Variants in DNAAF9 observed in about 807,000 individuals in gnomAD.
The protein encoded by DNAAF9 is shulin.
A neutral mutation model predicts 167.0 loss-of-function variants in DNAAF9; 90 were observed. That is an observed-to-expected ratio of 0.54 (90% CI 0.45 to 0.64). The LOEUF (loss-of-function observed/expected upper bound fraction) is 0.64, where lower values mean the gene tolerates loss of function less well. DNAAF9 is among the 30% of genes least tolerant of loss of function. The pLI is 0.00. For missense variants in DNAAF9, 1,315 were observed against 1,442.2 expected (o/e 0.91, Z 1.43); for synonymous variants, 491 against 508.8 (o/e 0.96, Z 0.47).
intron 20 of DNAAF9, among the ~76,000 whole-genome samples, chr20:3,305,834 G>A (rs1652764359): frequency 6.6e-6 from 1 of 152,162 alleles, no homozygotes; most frequent in Non-Finnish European, 1.5e-5. Context: ...GGCAGCCACA[G>A]CCAGCGACTA....
At chr20:3,285,699 C>A (rs2068840264) in intron 27 of DNAAF9, among the ~76,000 whole-genome samples, 1 of 133,694 alleles carries the variant, frequency 7.5e-6, no homozygotes, top group African/African-American at 2.9e-5. Context: ...AAAAAAAGGG[C>A]CAGGAGCGGT....
chr20:3,262,423 G>GT (rs1286960102), intron 31 of DNAAF9, among the ~76,000 whole-genome samples: 4 of 151,896 alleles, frequency 2.6e-5, no homozygotes, highest in Non-Finnish European at 5.9e-5. Flanking sequence ...GCTAACTTTT[G>GT]TATTTTTAAT....
rs371884533 is a variant in DNAAF9, at chr20:3,389,992, C to T, written c.84-7486G>A. Among the ~76,000 whole-genome samples the T allele has an allele frequency of 6.0e-5, 9 of 150,440 alleles. No individual in the cohort carries two copies. In the South Asian group the frequency reaches 8.4e-4, roughly 14 times the overall value. On this transcript the variant is annotated intron_variant, in intron 1 of 36. Coordinates refer to ENST00000252032, the MANE Select transcript of DNAAF9 (RefSeq NM_001009984.3). ...CAGAGGCTGCAGTGAGCCAAGATCA[C>T]GCCACTGTACTCCAGCCTGGGCAAC...
intron 1 of DNAAF9, among the ~76,000 whole-genome samples, chr20:3,394,289 G>A (rs2083868692): frequency 6.7e-6 from 1 of 148,750 alleles, no homozygotes; most frequent in Non-Finnish European, 1.5e-5. Context: ...GGTGAGCTGA[G>A]ATCATGCCAT....
chr20:3,333,686 G>T (rs1419625651), intron 10 of DNAAF9, among the ~76,000 whole-genome samples: 1 of 150,148 alleles, frequency 6.7e-6, no homozygotes, highest in African/African-American at 2.5e-5. Flanking sequence ...CTTATTAAAG[G>T]TTTTTTTTTT....
chr20:3,324,979 A>G lies in DNAAF9; in HGVS notation c.1189-11T>C, dbSNP rs754498321. Reference sequence around the variant, plus strand: ...TGCTACCTCCTTGGCCTGTAAAATAATAAGACAGCGACAATTAGCTTTCAC... The same window carrying G: ...TGCTACCTCCTTGGCCTGTAAAATAGTAAGACAGCGACAATTAGCTTTCAC... On this transcript the variant is annotated splice_polypyrimidine_tract_variant and intron_variant, in intron 13 of 36. Transcript: ENST00000252032. 23 of 1,521,188 alleles carry G rather than the reference A, an allele frequency of 1.5e-5. No individual in the cohort carries two copies. The highest frequency in any genetic ancestry group is 2.0e-5 in the Non-Finnish European group (22 of 1,095,158). 94.2% of individuals were successfully genotyped at this position (1,521,188 alleles called of 1,614,324 possible).
At chr20:3,295,708 C>G in intron 23 of DNAAF9, 1 of 591,828 alleles carries the variant, frequency 1.7e-6, no homozygotes. Context: ...GCAACCGTCC[C>G]CTTTTATTAT....
rs1445800727 is a variant in DNAAF9 at position 3,315,251 on chromosome 20, A to T, written c.1591-131T>A. 1.5e-6 allele frequency: 1 copy of T among 652,794 alleles called. No individual in the cohort carries two copies. The highest frequency in any genetic ancestry group is 2.6e-5 in the East Asian group (1 of 38,488). The allele number at this position is 652,794 out of a possible 1,614,324, so 40.4% of individuals were successfully genotyped here. A position where few individuals can be genotyped will look rare whatever the true frequency, so the allele number is the denominator to read the frequency against. ...GCTGAGTCAGGCTCAGATATGCCCA[A>T]TGTATTCCATGGCCTTTGGCATTGT... On this transcript the variant is annotated intron_variant, in intron 19 of 36. Transcript: ENST00000252032. This position sits in a 1 kb window ranked among gnomAD's most constrained non-coding sequence, Gnocchi z 4.1.
intron 25 of DNAAF9, among the ~76,000 whole-genome samples, chr20:3,292,568 A>G (rs1239795569): frequency 6.6e-6 from 1 of 151,240 alleles, no homozygotes; most frequent in Non-Finnish European, 1.5e-5. Context: ...GGAGATCAAG[A>G]CCAGCCTGGC....
intron 21 of DNAAF9, among the ~76,000 whole-genome samples, chr20:3,299,473 A>T (rs2069144560): frequency 6.6e-6 from 1 of 151,090 alleles, no homozygotes; most frequent in African/African-American, 2.4e-5. Context: ...CACCACACCC[A>T]GCTAATTTTT....
At chr20:3,330,791 C>CTTT (rs34084211) in intron 11 of DNAAF9, 109 bp from the exon 12 acceptor site, 12,074 of 410,380 alleles carry the variant, frequency 0.029, 68 homozygotes, top group African/African-American at 0.054. Flanking sequence ...AAGAACTACA[C>CTTT]TTTTTTTTTT....
intron 1 of DNAAF9, among the ~76,000 whole-genome samples, chr20:3,403,439 T>C (rs2084015771): frequency 6.6e-6 from 1 of 151,268 alleles, no homozygotes; most frequent in East Asian, 1.9e-4. Context: ...TTCCACTTTC[T>C]CCCACCAACA....
chr20:3,331,574 T>C (rs2069830549), intron 11 of DNAAF9, among the ~76,000 whole-genome samples: 1 of 152,172 alleles, frequency 6.6e-6, no homozygotes, highest in African/African-American at 2.4e-5. Context: ...TGCTCCTAAG[T>C]ACCCTTTTAT....
At chr20:3,355,649 AT>A (rs2083275089) in intron 7 of DNAAF9, among the ~76,000 whole-genome samples, 1 of 152,132 alleles carries the variant, frequency 6.6e-6, no homozygotes. Flanking sequence ...CTATAGAGTC[AT>A]TACAAAAGCC....
intron 23 of DNAAF9, chr20:3,296,383 C>T (rs1409740384): frequency 2.6e-5 from 8 of 309,060 alleles, no homozygotes; most frequent in African/African-American, 4.7e-5. Flanking sequence ...GGACATTTTT[C>T]GTTTTTTTTT....
At chr20:3,319,280 A>AG (rs2069571593) in intron 16 of DNAAF9, among the ~76,000 whole-genome samples, 2 of 149,246 alleles carry the variant, frequency 1.3e-5, no homozygotes, top group African/African-American at 4.9e-5. Context: ...AAAAAAAAAA[A>AG]AAAAAAAAAG....
intron 7 of DNAAF9, among the ~76,000 whole-genome samples, chr20:3,354,462 C>T (rs1026371014): frequency 6.6e-6 from 1 of 152,254 alleles, no homozygotes; most frequent in Non-Finnish European, 1.5e-5. Context: ...TGGCATCCAG[C>T]AGAGGCAGCT....
At chr20:3,327,409 G>A (rs1291393680) in intron 12 of DNAAF9, among the ~76,000 whole-genome samples, 1 of 152,038 alleles carries the variant, frequency 6.6e-6, no homozygotes, top group Non-Finnish European at 1.5e-5. Context: ...ATTGCCCTTG[G>A]TTGAGAACCA....
chr20:3,385,697 G>A (rs2083724706), intron 1 of DNAAF9, among the ~76,000 whole-genome samples: 1 of 152,180 alleles, frequency 6.6e-6, no homozygotes, highest in African/African-American at 2.4e-5. Flanking sequence ...CTTCCAAAGT[G>A]ATGGGACAAT....
Sources: allele counts gnomAD v4.1 joint callset (sites outside exome capture counted in the v4.1 genomes callset), GRCh38; gene constraint gnomAD v4.1.1; non-coding constraint Gnocchi (gnomAD v3.1); transcripts MANE v1.5; gene names NCBI Gene and HGNC (gene_info 2026-07-23, HGNC 2026-07-21).